Variants in PCDH15 observed in about 807,000 individuals in gnomAD.
PCDH15 encodes the protein protocadherin related 15.
In PCDH15, 129 loss-of-function variants were observed where a neutral mutation model predicts 178.5. That is an observed-to-expected ratio of 0.72 (90% CI 0.63 to 0.84). The LOEUF (loss-of-function observed/expected upper bound fraction) is 0.84, where lower values mean the gene tolerates loss of function less well. PCDH15 is among the 40% of genes least tolerant of loss of function. PCDH15 has a pLI of 0.00. For missense variants in PCDH15, 2,230 were observed against 2,099.9 expected, an observed-to-expected ratio of 1.06 and a Z score of -1.21; for synonymous variants, 800 against 732.0, an observed-to-expected ratio of 1.09 and a Z score of -1.50.
intron 10 of PCDH15, among the ~76,000 whole-genome samples, chr10:54,204,238 T>C (rs2050545144): frequency 6.6e-6 from 1 of 152,028 alleles, no homozygotes; most frequent in Non-Finnish European, 1.5e-5. Flanking sequence ...GGAAAGTATA[T>C]GGTTGTGGAA....
chr10:54,893,688 T>A (rs1485126715), intron 3 of PCDH15, among the ~76,000 whole-genome samples: 2 of 152,118 alleles, frequency 1.3e-5, no homozygotes, highest in Non-Finnish European at 2.9e-5. Flanking sequence ...CATTCTCTAT[T>A]CCTCATTTTA....
chr10:55,279,031 G>A (rs1366496430), intron 1 of PCDH15, among the ~76,000 whole-genome samples: 1 of 152,168 alleles, frequency 6.6e-6, no homozygotes, highest in Non-Finnish European at 1.5e-5. Flanking sequence ...TGGGCAATAG[G>A]TGTGGATTCA....
At chr10:55,237,323 T>C (rs1841409140) in intron 1 of PCDH15, among the ~76,000 whole-genome samples, 1 of 152,174 alleles carries the variant, frequency 6.6e-6, no homozygotes, top group Non-Finnish European at 1.5e-5. Context: ...CTAATTTGTA[T>C]TTCTAGCTCA....
intron 3 of PCDH15, among the ~76,000 whole-genome samples, chr10:54,488,885 G>A (rs1299497715): frequency 6.6e-6 from 1 of 151,946 alleles, no homozygotes; most frequent in Non-Finnish European, 1.5e-5. Flanking sequence ...AGTTTTCATG[G>A]TTGGTCAGTT....
At chr10:53,947,866 T>G (rs1414948092) in intron 23 of PCDH15, among the ~76,000 whole-genome samples, 16 of 152,192 alleles carry the variant, frequency 1.1e-4, no homozygotes, top group Admixed American at 1.0e-3. Flanking sequence ...TATAAACAAT[T>G]TATCCAAATA....
chr10:55,029,186 G>A lies in PCDH15; in HGVS notation c.-79-131686C>T, dbSNP rs761903413. 1.1e-4 allele frequency among the ~76,000 whole-genome samples: 17 copies of A among 151,876 alleles called. No homozygotes were observed. The East Asian group carries it at 2.9e-3, about 26-fold the overall frequency. ...GCATTGTTCTTTAAATAAAATTCCC[G>A]GCCATATTTTCTGTCCTTGTACCTA... On this transcript the variant is annotated intron_variant, in intron 2 of 5. Coordinates refer to the PCDH15 transcript ENST00000458638.
chr10:53,963,867 C>T (rs1270661933), intron 21 of PCDH15, among the ~76,000 whole-genome samples: 1 of 152,120 alleles, frequency 6.6e-6, no homozygotes, highest in Non-Finnish European at 1.5e-5. Flanking sequence ...CTTTCTGCTT[C>T]CATTGTATTA....
At chr10:54,622,116 GA>G (rs2093369602) in intron 2 of PCDH15, among the ~76,000 whole-genome samples, 1 of 151,754 alleles carries the variant, frequency 6.6e-6, no homozygotes, top group Non-Finnish European at 1.5e-5. Context: ...GAAGGCTGGT[GA>G]ACATACTTTG....
At chr10:54,170,584 C>T (rs1465916446) in intron 13 of PCDH15, among the ~76,000 whole-genome samples, 1 of 151,090 alleles carries the variant, frequency 6.6e-6, no homozygotes, top group Admixed American at 6.6e-5. Flanking sequence ...CCACAATTAC[C>T]GTCGTTCTTG....
chr10:54,998,431 A>T (rs1338821098), intron 2 of PCDH15, among the ~76,000 whole-genome samples: 4 of 152,086 alleles, frequency 2.6e-5, no homozygotes. Context: ...TCTTTAGCAT[A>T]ATAGTTTGGA....
chr10:54,188,940 C>A (rs2048718431), intron 11 of PCDH15, among the ~76,000 whole-genome samples: 1 of 151,900 alleles, frequency 6.6e-6, no homozygotes, highest in African/African-American at 2.4e-5. Flanking sequence ...GTTATCTCCT[C>A]AGCCAGTTTT....
intron 1 of PCDH15, among the ~76,000 whole-genome samples, chr10:54,713,997 T>C (rs548753443): frequency 6.6e-6 from 1 of 152,158 alleles, no homozygotes; most frequent in Non-Finnish European, 1.5e-5. Flanking sequence ...AATCAAGGCT[T>C]TGAAGTTGAA....
chr10:54,431,897 A>T (rs548480611), intron 3 of PCDH15, among the ~76,000 whole-genome samples: 1 of 152,264 alleles, frequency 6.6e-6, no homozygotes, highest in East Asian at 1.9e-4. Flanking sequence ...TGATAAACAA[A>T]TTCAGGAAAG....
chr10:55,202,944 TC>T (rs2132160850), intron 1 of PCDH15, among the ~76,000 whole-genome samples: 1 of 152,316 alleles, frequency 6.6e-6, no homozygotes, highest in South Asian at 2.1e-4. Context: ...TAAATCTCTT[TC>T]CTTCATAAAT....
At chr10:55,326,870 A>C (rs1010309492) in intron 2 of PCDH15, among the ~76,000 whole-genome samples, 1 of 152,062 alleles carries the variant, frequency 6.6e-6, no homozygotes, top group Non-Finnish European at 1.5e-5. Flanking sequence ...GTGCCAAAAA[A>C]CTCAAGCATG....
At chr10:54,892,062 T>C (rs373024163) in intron 3 of PCDH15, among the ~76,000 whole-genome samples, 3 of 152,242 alleles carry the variant, frequency 2.0e-5, no homozygotes, top group African/African-American at 2.4e-5. Flanking sequence ...ACACTTCTTG[T>C]TCCTCACCCC....
At chr10:54,592,052 A>T (rs1590331557) in intron 2 of PCDH15, among the ~76,000 whole-genome samples, 1 of 152,290 alleles carries the variant, frequency 6.6e-6, no homozygotes, top group East Asian at 1.9e-4. Flanking sequence ...AAGGAGAAGC[A>T]AATATCATAG....
At chr10:54,109,723 G>A (rs892944777) in intron 15 of PCDH15, among the ~76,000 whole-genome samples, 1 of 152,122 alleles carries the variant, frequency 6.6e-6, no homozygotes, top group Non-Finnish European at 1.5e-5. Flanking sequence ...GGGAAGTGGG[G>A]ATAGTTAATG....
At chr10:54,272,624 A>G (rs999856840) in intron 8 of PCDH15, among the ~76,000 whole-genome samples, 3 of 152,176 alleles carry the variant, frequency 2.0e-5, no homozygotes, top group Admixed American at 6.6e-5. Flanking sequence ...AATGCAGTCA[A>G]TGAATCCAGT....
Sources: gnomAD v4.1 joint callset for allele counts (sites outside exome capture counted in the v4.1 genomes callset) on GRCh38, gnomAD v4.1.1 for gene constraint, MANE v1.5 for transcripts, NCBI Gene and HGNC (gene_info 2026-07-23, HGNC 2026-07-21) for gene names.